Variants in CD58 observed in about 807,000 individuals in gnomAD.
CD58 encodes lymphocyte function-associated antigen 3.
A neutral mutation model predicts 27.6 loss-of-function variants in CD58; 14 were observed. The ratio of observed to expected loss-of-function variants is 0.51; its 90% CI spans 0.34 to 0.79. The LOEUF is 0.79. Among genes scored for constraint, CD58 ranks in the 30% least tolerant of loss-of-function variants. The pLI, the probability that CD58 is intolerant of heterozygous loss-of-function variation, is 0.02. For synonymous variants in CD58, 117 were observed against 103.8 expected (o/e 1.13, Z -0.77); for missense variants, 268 against 301.7 (o/e 0.89, Z 0.83).
chr1:116,570,956 T>A lies in CD58; in HGVS notation c.17A>T (p.Asp6Val). 6.4e-7 allele frequency: 1 copy of A among 1,562,550 alleles called. No individual in the cohort carries two copies. Residue 6 changes from aspartate (D) to valine (V), a missense_variant, in exon 1 of 6, where the codon GAC (aspartate) becomes GTC (valine). Coordinates refer to ENST00000369489, the MANE Select transcript of CD58 (RefSeq NM_001779.3). This position sits in a 1 kb window ranked among gnomAD's most constrained non-coding sequence, Gnocchi z 6.4. MVAGS[D>V]AGRALGVLSV... ...GAGGACCCCCAGGGCCCGCCCCGCG[T>A]CGCTCCCAGCAACCATGGCTCGTCG...
chr1:116,558,507 TGAG>T (rs1419617320), intron 1 of CD58, among the ~76,000 whole-genome samples: 2 of 152,232 alleles, frequency 1.3e-5, no homozygotes, highest in Non-Finnish European at 2.9e-5. Context: ...TTTATAGTAT[TGAG>T]GAGCGGCCAA....
intron 1 of CD58, among the ~76,000 whole-genome samples, chr1:116,555,140 G>A (rs1240260189): frequency 6.6e-6 from 1 of 152,094 alleles, no homozygotes; most frequent in Admixed American, 6.6e-5. Context: ...GGACTGTAGG[G>A]ACGCTAATAA....
chr1:116,514,801 T>A lies in CD58; in HGVS notation c.*12A>T, dbSNP rs1296367398. 1 of 1,521,826 alleles carries A rather than the reference T, an allele frequency of 6.6e-7. No individual in the cohort carries two copies. Among genetic ancestry groups the A allele is most frequent in the Non-Finnish European group, 9.1e-7 (1 of 1,101,930 alleles). 94.3% of individuals were successfully genotyped at this position (1,521,826 alleles called of 1,614,324 possible). On this transcript the variant is annotated 3_prime_UTR_variant, in exon 6 of 6. Coordinates refer to ENST00000369489, the MANE Select transcript of CD58 (RefSeq NM_001779.3). ...ATTTAGTTATGCTGTTGTCTTCATC[T>A]TCTGTTACCAATCAATTGGAGCTAC...
chr1:116,540,350 TAA>T lies in CD58; in HGVS notation c.364+3959_364+3960del, dbSNP rs60462818. Among the ~76,000 whole-genome samples the T allele has an allele frequency of 2.2e-3, 313 of 143,586 alleles. 2 individuals are homozygous for T. The East Asian group carries it at 0.031, about 14-fold the overall frequency. 94.2% of individuals were successfully genotyped at this position (143,586 alleles called of 152,430 possible). On this transcript the variant is annotated intron_variant, in intron 2 of 5. Transcript: ENST00000369489. Reference sequence around the variant, plus strand: ...AAGGAAGTATGACTTCCTCTTTTCTTAAAAAAAAAAAAAAATAGTATGACCAA... The same window carrying T: ...AAGGAAGTATGACTTCCTCTTTTCTTAAAAAAAAAAAAATAGTATGACCAA...
chr1:116,551,581 TGCAATAAC>T (rs1310267253), intron 1 of CD58, among the ~76,000 whole-genome samples: 2 of 152,222 alleles, frequency 1.3e-5, no homozygotes, highest in African/African-American at 4.8e-5. Context: ...TTTCTCCATC[TGCAATAAC>T]GCTGTTTCAC....
At chr1:116,533,984 C>T in intron 3 of CD58, 2 of 1,403,118 alleles carry the variant, frequency 1.4e-6, no homozygotes, top group South Asian at 1.2e-5. Context: ...GCTGCCAAAA[C>T]TCCAGGATTC....
rs777697855 is a variant in CD58, at chr1:116,521,907, A to G, written c.705T>C (p.Asn235=). The G allele has an allele frequency of 1.3e-6, 2 of 1,494,106 alleles. No individual in the cohort carries two copies. Among genetic ancestry groups the G allele is most frequent in the Non-Finnish European group, 1.9e-6 (2 of 1,073,878 alleles). 92.6% of individuals were successfully genotyped at this position (1,494,106 alleles called of 1,614,324 possible). ...VITTCIVLYM[N]GILKCDRKPD... is the part of the protein sequence containing the mutation. Reference sequence around the variant, plus strand: ...TTTTGTTTTAAAAAGCATACATACCATTCATATACAGCACAATACATGTTG... The same window carrying G: ...TTTTGTTTTAAAAAGCATACATACCGTTCATATACAGCACAATACATGTTG... The change falls in exon 4 of 6, where the codon AAT becomes AAC. Residue 235 remains asparagine, a splice_region_variant and synonymous_variant. Transcript: ENST00000369489. This position sits in a 1 kb window ranked among gnomAD's most constrained non-coding sequence, Gnocchi z 5.6.
At chr1:116,560,561 T>C (rs1354837162) in intron 1 of CD58, among the ~76,000 whole-genome samples, 3 of 152,204 alleles carry the variant, frequency 2.0e-5, no homozygotes, top group South Asian at 2.1e-4. Flanking sequence ...TGAATGTGTA[T>C]GTTAAACTTC....
In CD58 at chr1:116,559,384, T is replaced by C. The variant is rs904602079; in HGVS notation, c.70+11519A>G. Among the ~76,000 whole-genome samples the C allele has an allele frequency of 2.6e-5, 4 of 152,292 alleles. No homozygotes were observed. The highest frequency in any genetic ancestry group is 4.1e-4 in the South Asian group (2 of 4,830). Reference sequence around the variant, plus strand: ...GGTCAGCTGACTGCATTCACTCAGCTAGCAAGGGGCAGAGCTGGTGTCCAG... The same window carrying C: ...GGTCAGCTGACTGCATTCACTCAGCCAGCAAGGGGCAGAGCTGGTGTCCAG... On this transcript the variant is annotated intron_variant, in intron 1 of 5. Transcript: ENST00000369489. The surrounding 1 kb of genome is among the most constrained non-coding windows in gnomAD (Gnocchi z 4.4).
Position 116,535,656 on chromosome 1 carries a change from A to G in CD58, c.628+309T>C, listed in dbSNP as rs1236812452. Among the ~76,000 whole-genome samples, 9 of 104,462 alleles carry G rather than the reference A, an allele frequency of 8.6e-5. 2 individuals carry two copies. Among genetic ancestry groups the G allele is most frequent in the Non-Finnish European group, 1.2e-4 (7 of 56,512 alleles). The allele number at this position is 104,462 out of a possible 152,430, so 68.5% of individuals were successfully genotyped here. On this transcript the variant is annotated intron_variant, in intron 3 of 5. Coordinates refer to ENST00000369489, the MANE Select transcript of CD58 (RefSeq NM_001779.3). ...GGAGATCGAGACCATCCTGGCTAAC[A>G]CGGTGAAACCCCGTCTCTACTAAAA...
intron 1 of CD58, among the ~76,000 whole-genome samples, chr1:116,565,343 G>A (rs1373597109): frequency 2.0e-5 from 3 of 152,078 alleles, no homozygotes; most frequent in East Asian, 3.8e-4. Flanking sequence ...TTTCTTAAAC[G>A]CTTGAAGCCT....
intron 3 of CD58, among the ~76,000 whole-genome samples, chr1:116,525,019 C>T (rs1012666151): frequency 6.6e-6 from 1 of 152,250 alleles, no homozygotes; most frequent in African/African-American, 2.4e-5. Flanking sequence ...CAATATCCCT[C>T]ACCAGAGTGG....
rs72697332 is a variant in CD58, at chr1:116,528,414, G to T, written c.629-6431C>A. On this transcript the variant is annotated intron_variant, in intron 3 of 5. Coordinates refer to ENST00000369489, the MANE Select transcript of CD58 (RefSeq NM_001779.3). The surrounding 1 kb of genome is among the most constrained non-coding windows in gnomAD (Gnocchi z 4.4). ...CTCTACCTTCAGTGACTTACTCCCT[G>T]CAGGTAACATAATGTCCACACAGCT... Among the ~76,000 whole-genome samples, 552 of 152,202 alleles carry T rather than the reference G, an allele frequency of 3.6e-3. 3 individuals carry two copies. Among genetic ancestry groups the T allele is most frequent in the Middle Eastern group, 0.01 (3 of 294 alleles).
intron 2 of CD58, among the ~76,000 whole-genome samples, chr1:116,543,291 G>C (rs1442634238): frequency 6.6e-6 from 1 of 152,058 alleles, no homozygotes; most frequent in Non-Finnish European, 1.5e-5. Context: ...CATCATCAAG[G>C]ACAGGGCATG....
rs1657503878 is a variant in CD58, at chr1:116,528,795, C to T, written c.629-6812G>A. Among the ~76,000 whole-genome samples, 4 of 152,130 alleles carry T rather than the reference C, an allele frequency of 2.6e-5. No homozygotes were observed. The highest frequency in any genetic ancestry group is 1.3e-4 in the Admixed American group (2 of 15,280). ...CTTTCACAGCCAAATATATAACTGG[C>T]CTATTGGACTACCCCTCTTCTTACT... On this transcript the variant is annotated intron_variant, in intron 3 of 5. Transcript: ENST00000369489. The surrounding 1 kb of genome is among the most constrained non-coding windows in gnomAD (Gnocchi z 4.4).
chr1:116,535,369 ACTCT>A (rs1657759734), intron 3 of CD58, among the ~76,000 whole-genome samples: 2 of 152,108 alleles, frequency 1.3e-5, no homozygotes, highest in African/African-American at 2.4e-5. Flanking sequence ...AACAACTTAA[ACTCT>A]CTCTCTGTTG....
intron 3 of CD58, chr1:116,533,178 G>A: frequency 1.3e-6 from 1 of 753,914 alleles, no homozygotes; most frequent in Non-Finnish European, 2.5e-6. Context: ...TTTATCCAGT[G>A]ATTCTCCGTC....
rs555575293 is a variant in CD58, at chr1:116,522,058, C to T, written c.629-75G>A. The T allele has an allele frequency of 3.9e-6, 3 of 770,108 alleles. No homozygotes were observed. The highest frequency in any genetic ancestry group is 3.5e-5 in the African/African-American group (2 of 56,616). The allele number at this position is 770,108 out of a possible 1,614,324, so 47.7% of individuals were successfully genotyped here. ...GGATCCTCATTATTTGCAGATTCCA[C>T]CTTGCGGTTTGCTTATTTACTGAAA... is the stretch of plus-strand genomic sequence containing the variant. On this transcript the variant is annotated intron_variant, in intron 3 of 5. Transcript: ENST00000369489. This position sits in a 1 kb window ranked among gnomAD's most constrained non-coding sequence, Gnocchi z 4.6.
At chr1:116,540,019 C>CA (rs1039831786) in intron 2 of CD58, among the ~76,000 whole-genome samples, 1 of 152,122 alleles carries the variant, frequency 6.6e-6, no homozygotes, top group African/African-American at 2.4e-5. Context: ...GGTCAAGTAT[C>CA]AATCCAGCCC....
Sources: gnomAD v4.1 joint callset for allele counts (sites outside exome capture counted in the v4.1 genomes callset) on GRCh38, gnomAD v4.1.1 for gene constraint, Gnocchi (gnomAD v3.1) non-coding constraint, MANE v1.5 for transcripts, NCBI Gene and HGNC (gene_info 2026-07-23, HGNC 2026-07-21) for gene names.